The following ATP5MG variants were observed in gnomAD, a reference collection of about 807,000 sequenced individuals.
ATP5MG encodes ATP synthase F(0) complex subunit g, mitochondrial.
In ATP5MG, 7 loss-of-function variants were observed where a neutral mutation model predicts 12.7. That is an observed-to-expected ratio of 0.55 (90% confidence interval 0.31 to 1.04). The LOEUF (loss-of-function observed/expected upper bound fraction) is 1.04, where lower values mean the gene tolerates loss of function less well. ATP5MG is among the 50% of genes least tolerant of loss of function. The pLI, the probability that ATP5MG is intolerant of heterozygous loss-of-function variation, is 0.05. For missense variants in ATP5MG, 116 were observed against 126.7 expected (o/e 0.92, Z 0.41); for synonymous variants, 53 against 48.2 (o/e 1.10, Z -0.41).
At chr11:118,403,667 C>A (rs377248257) in intron 1 of ATP5MG, among the ~76,000 whole-genome samples, 1 of 149,546 alleles carries the variant, frequency 6.7e-6, no homozygotes, top group East Asian at 2.0e-4. Flanking sequence ...GTGGCAGGCG[C>A]CTATAATCCC....
intron 1 of ATP5MG, chr11:118,405,633 T>A (rs1948965940): frequency 8.1e-6 from 8 of 984,920 alleles, no homozygotes; most frequent in Non-Finnish European, 8.4e-6. Flanking sequence ...GATTGTGCTT[T>A]TTTTTTATTG....
At chr11:118,407,299 T>C (rs949949302) in intron 2 of ATP5MG, 54 of 803,802 alleles carry the variant, frequency 6.7e-5, no homozygotes, top group Non-Finnish European at 8.9e-5. Flanking sequence ...TTTTATGTCT[T>C]AGTTTCCTAA....
At chr11:118,408,159 C>G (rs1948988963) in intron 2 of ATP5MG, among the ~76,000 whole-genome samples, 1 of 150,874 alleles carries the variant, frequency 6.6e-6, no homozygotes, top group Non-Finnish European at 1.5e-5. Flanking sequence ...GAGACTCCAT[C>G]TCAAAAAAAA....
rs201199101 is a variant in ATP5MG, at chr11:118,401,724, G to A, written c.52+7G>A. 8 of 1,612,212 alleles carry A rather than the reference G, an allele frequency of 5.0e-6. No homozygotes were observed. In the East Asian group the frequency reaches 1.6e-4, roughly 32 times the overall value. On this transcript the variant is annotated splice_region_variant and intron_variant, in intron 1 of 2. Coordinates refer to ENST00000300688, the MANE Select transcript of ATP5MG (RefSeq NM_006476.5). The stretch of plus-strand genomic sequence containing the variant: ...ACCCCGGCGCTGGTGAACGGTGAGC[G>A]CGATGTGAGACCGCCGAGGCGGGCA...
chr11:118,401,918 T>G (rs572767403), intron 1 of ATP5MG: 1 of 610,428 alleles, frequency 1.6e-6, no homozygotes, highest in African/African-American at 1.9e-5. Context: ...TTGGGTTCTC[T>G]ACACAACCTA....
At chr11:118,403,031 C>T (rs1212071763) in intron 1 of ATP5MG, among the ~76,000 whole-genome samples, 2 of 152,218 alleles carry the variant, frequency 1.3e-5, no homozygotes, top group Admixed American at 1.3e-4. Flanking sequence ...TCCCTTCCCT[C>T]CATCACCAGC....
At chr11:118,408,735 A>G (rs907412847) in intron 2 of ATP5MG, among the ~76,000 whole-genome samples, 3 of 152,172 alleles carry the variant, frequency 2.0e-5, no homozygotes, top group African/African-American at 4.8e-5. Context: ...AAGTCAGTTC[A>G]GGTCTTTAAA....
intron 1 of ATP5MG, among the ~76,000 whole-genome samples, chr11:118,402,911 C>A (rs192054374): frequency 2.2e-4 from 33 of 152,036 alleles, no homozygotes; most frequent in Admixed American, 1.9e-3. Flanking sequence ...GTTGCCCAGG[C>A]TAGTCTCTTA....
intron 1 of ATP5MG, among the ~76,000 whole-genome samples, chr11:118,403,248 C>G (rs1405828200): frequency 4.6e-5 from 7 of 152,194 alleles, no homozygotes; most frequent in Non-Finnish European, 8.8e-5. Flanking sequence ...GTAATCTCAG[C>G]ACTTTGGGAG....
At chr11:118,407,206 G>A (rs1417411484) in intron 2 of ATP5MG, 109 bp downstream of exon 2, 1 of 1,453,110 alleles carries the variant, frequency 6.9e-7, no homozygotes, top group African/African-American at 1.4e-5. Context: ...GCTGAATCCA[G>A]CATAATGAGG....
intron 1 of ATP5MG, among the ~76,000 whole-genome samples, chr11:118,403,714 A>T (rs1383625684): frequency 6.7e-6 from 1 of 148,288 alleles, no homozygotes; most frequent in Non-Finnish European, 1.5e-5. Context: ...AATCTCTTTA[A>T]CCCAGGAGGC....
intron 1 of ATP5MG, among the ~76,000 whole-genome samples, chr11:118,403,282 G>C (rs1948945046): frequency 6.6e-6 from 1 of 152,104 alleles, no homozygotes; most frequent in Admixed American, 6.5e-5. Context: ...GATCACTTGA[G>C]GGCAGGAGTT....
rs561149551 is a variant in ATP5MG, at chr11:118,409,342, A to G, written c.*244A>G. The G allele has an allele frequency of 9.4e-6, 2 of 213,348 alleles. No homozygotes were observed. Among genetic ancestry groups the G allele is most frequent in the South Asian group, 1.3e-4 (1 of 7,982 alleles). The allele number at this position is 213,348 out of a possible 1,614,324, so 13.2% of individuals were successfully genotyped here. A position where few individuals can be genotyped will look rare whatever the true frequency, so the allele number is the denominator to read the frequency against. ...ATATGTGGCAATATTAACCTGGTAC[A>G]TGAATATATGGGGATAACATTTTAA... On this transcript the variant is annotated 3_prime_UTR_variant, in exon 3 of 3. Coordinates refer to ENST00000300688, the MANE Select transcript of ATP5MG (RefSeq NM_006476.5).
chr11:118,401,894 G>A, intron 1 of ATP5MG, 177 bp downstream of exon 1: 1 of 673,582 alleles, frequency 1.5e-6, no homozygotes, highest in Admixed American at 3.0e-5. Flanking sequence ...CCTTCCACTC[G>A]TCTGACCTGC....
chr11:118,408,746 G>T (rs538991290), intron 2 of ATP5MG, among the ~76,000 whole-genome samples: 75 of 152,198 alleles, frequency 4.9e-4, no homozygotes, highest in African/African-American at 1.8e-3. Flanking sequence ...GGTCTTTAAA[G>T]AATGCTTTGA....
At chr11:118,404,315 T>C (rs1555131737) in intron 1 of ATP5MG, among the ~76,000 whole-genome samples, 1 of 152,202 alleles carries the variant, frequency 6.6e-6, no homozygotes. Context: ...TTTATTTGTA[T>C]TTCAATAGTT....
intron 1 of ATP5MG, chr11:118,403,817 A>T (rs1246479305): frequency 6.6e-6 from 1 of 151,012 alleles, no homozygotes; most frequent in Non-Finnish European, 1.5e-5. Context: ...AAAACTAAAG[A>T]GAAAAAAGGA....
chr11:118,407,139 A>C (rs782281886), intron 2 of ATP5MG, 42 bp downstream of exon 2: 2 of 1,610,748 alleles, frequency 1.2e-6, no homozygotes. Flanking sequence ...ATAACAGAAA[A>C]TGTCTTCCCT....
At chr11:118,403,810 A>C (rs966971019) in intron 1 of ATP5MG, 3 of 150,596 alleles carry the variant, frequency 2.0e-5, no homozygotes, top group Non-Finnish European at 4.4e-5. Context: ...AAAAAAAAAA[A>C]CTAAAGAGAA....
Sources: gnomAD v4.1 joint callset for allele counts (sites outside exome capture counted in the v4.1 genomes callset) on GRCh38, gnomAD v4.1.1 for gene constraint, MANE v1.5 for transcripts, NCBI Gene and HGNC (gene_info 2026-07-23, HGNC 2026-07-21) for gene names.